Variants in ADAMTS19 observed in about 807,000 individuals in gnomAD.
ADAMTS19 encodes the protein A disintegrin and metalloproteinase with thrombospondin motifs 19.
ADAMTS19 carries 93 observed loss-of-function variants against 153.3 expected under a neutral mutation model. The ratio of observed to expected loss-of-function variants is 0.61; its 90% CI spans 0.51 to 0.72. ADAMTS19 has a LOEUF of 0.72. Among genes scored for constraint, ADAMTS19 ranks in the 30% least tolerant of loss-of-function variants. The pLI, the probability that ADAMTS19 is intolerant of heterozygous loss-of-function variation, is 0.00. For synonymous variants in ADAMTS19, 600 were observed against 556.6 expected, an observed-to-expected ratio of 1.08 and a Z score of -1.10; for missense variants, 1,482 against 1,552.1, an observed-to-expected ratio of 0.95 and a Z score of 0.76.
chr5:129,680,668 A>G (rs1754761598), intron 17 of ADAMTS19, among the ~76,000 whole-genome samples: 1 of 151,188 alleles, frequency 6.6e-6, no homozygotes, highest in South Asian at 2.1e-4. Flanking sequence ...AGGCTGAGGC[A>G]GGAGAATTGC....
At chr5:129,561,583 G>A (rs74290698) in intron 7 of ADAMTS19, among the ~76,000 whole-genome samples, 4,783 of 151,644 alleles carry the variant, frequency 0.032, 216 homozygotes, top group African/African-American at 0.1. Flanking sequence ...AGATTATTGT[G>A]CGTTTTCTAA....
chr5:129,599,472 A>C (rs1750539722), intron 8 of ADAMTS19, among the ~76,000 whole-genome samples: 1 of 152,178 alleles, frequency 6.6e-6, no homozygotes, highest in African/African-American at 2.4e-5. Context: ...ATTTTAAATA[A>C]TTTTGTCAAG....
At chr5:129,576,839 A>G (rs1754121466) in intron 7 of ADAMTS19, among the ~76,000 whole-genome samples, 1 of 152,048 alleles carries the variant, frequency 6.6e-6, no homozygotes, top group African/African-American at 2.4e-5. Context: ...TGACCTACCT[A>G]TTCAATTCAT....
At chr5:129,549,359 A>G (rs1445278895) in intron 6 of ADAMTS19, among the ~76,000 whole-genome samples, 1 of 151,692 alleles carries the variant, frequency 6.6e-6, no homozygotes, top group Admixed American at 6.6e-5. Context: ...GACTCAGAGA[A>G]AATGGATGTT....
intron 2 of ADAMTS19, among the ~76,000 whole-genome samples, chr5:129,487,173 T>C (rs1475585801): frequency 2.0e-5 from 3 of 152,182 alleles, no homozygotes; most frequent in Non-Finnish European, 1.5e-5. Flanking sequence ...TTTTTATTTA[T>C]TTATTTTTTT....
chr5:129,501,183 GA>G (rs761815160), intron 2 of ADAMTS19, among the ~76,000 whole-genome samples: 2 of 151,932 alleles, frequency 1.3e-5, no homozygotes, highest in Non-Finnish European at 2.9e-5. Context: ...AAGATTGTAG[GA>G]AAGAAAATAG....
intron 3 of ADAMTS19, among the ~76,000 whole-genome samples, chr5:129,522,505 G>A (rs1751859739): frequency 6.6e-6 from 1 of 151,074 alleles, no homozygotes; most frequent in Non-Finnish European, 1.5e-5. Flanking sequence ...ATATAAATAA[G>A]GAATATTTGC....
At chr5:129,713,870 G>A (rs956703619) in intron 21 of ADAMTS19, among the ~76,000 whole-genome samples, 9 of 150,948 alleles carry the variant, frequency 6.0e-5, no homozygotes, top group Non-Finnish European at 1.3e-4. Context: ...TGGCACTCCA[G>A]CATCTACACA....
intron 2 of ADAMTS19, among the ~76,000 whole-genome samples, chr5:129,462,763 T>C (rs1749726825): frequency 6.6e-6 from 1 of 152,234 alleles, no homozygotes; most frequent in Non-Finnish European, 1.5e-5. Context: ...TTACTATTAA[T>C]TGGTTTAAGA....
At chr5:129,648,283 T>C (rs1389401922) in intron 12 of ADAMTS19, among the ~76,000 whole-genome samples, 2 of 152,146 alleles carry the variant, frequency 1.3e-5, no homozygotes, top group Non-Finnish European at 2.9e-5. Flanking sequence ...AACAGAAACA[T>C]GCTAAGCACA....
intron 2 of ADAMTS19, among the ~76,000 whole-genome samples, chr5:129,472,694 C>T (rs572653312): frequency 2.1e-4 from 32 of 151,984 alleles, no homozygotes; most frequent in African/African-American, 7.5e-4. Flanking sequence ...TTTCAGTCAT[C>T]AGCAATTTTA....
chr5:129,678,766 T>C (rs1374142215), intron 16 of ADAMTS19, among the ~76,000 whole-genome samples: 1 of 152,194 alleles, frequency 6.6e-6, no homozygotes, highest in Non-Finnish European at 1.5e-5. Context: ...ACATAATTAG[T>C]ATATAGCATA....
rs77471528 is a variant in ADAMTS19, at chr5:129,495,274, C to T, written c.748-13803C>T. On this transcript the variant is annotated intron_variant, in intron 2 of 22. Coordinates refer to ENST00000274487, the MANE Select transcript of ADAMTS19 (RefSeq NM_133638.6). ...GCATGCTTATAGTCTCTTATTTCAA[C>T]GCATTCTTCATTCCAGAGACATTTT... is the stretch of plus-strand genomic sequence containing the variant. 8.4e-3 allele frequency among the ~76,000 whole-genome samples: 1,279 copies of T among 152,146 alleles called. 18 individuals carry two copies. The highest frequency in any genetic ancestry group is 0.03 in the African/African-American group (1,238 of 41,518).
intron 16 of ADAMTS19, among the ~76,000 whole-genome samples, chr5:129,666,895 A>G (rs1331764621): frequency 6.6e-6 from 1 of 152,192 alleles, no homozygotes; most frequent in Non-Finnish European, 1.5e-5. Flanking sequence ...AGATATCTCA[A>G]ATGGAATTTC....
At chr5:129,479,537 GT>G (rs1364515008) in intron 2 of ADAMTS19, among the ~76,000 whole-genome samples, 1 of 152,128 alleles carries the variant, frequency 6.6e-6, no homozygotes, top group African/African-American at 2.4e-5. Flanking sequence ...AAGCAAAGCT[GT>G]TTTTTATTCA....
chr5:129,591,270 T>C (rs1194229539), intron 7 of ADAMTS19, among the ~76,000 whole-genome samples: 1 of 152,080 alleles, frequency 6.6e-6, no homozygotes, highest in Non-Finnish European at 1.5e-5. Context: ...GAACAGATTT[T>C]AAAATGAGCA....
At chr5:129,547,527 G>A (rs1752905280) in intron 6 of ADAMTS19, among the ~76,000 whole-genome samples, 1 of 150,352 alleles carries the variant, frequency 6.7e-6, no homozygotes, top group African/African-American at 2.5e-5. Context: ...TACTTTCAAA[G>A]TAGCCAAAAA....
intron 6 of ADAMTS19, among the ~76,000 whole-genome samples, chr5:129,549,183 AAAAT>A (rs77046635): frequency 0.02 from 2,981 of 148,186 alleles, 44 homozygotes; most frequent in East Asian, 0.049. Flanking sequence ...TAATAATAAT[AAAAT>A]AAATAAATAA....
chr5:129,491,248 C>T (rs1388292084), intron 2 of ADAMTS19, among the ~76,000 whole-genome samples: 3 of 152,158 alleles, frequency 2.0e-5, no homozygotes, highest in East Asian at 3.9e-4. Context: ...GTGATCCACT[C>T]ACCTCCGCAT....
Sources: allele counts gnomAD v4.1 joint callset (sites outside exome capture counted in the v4.1 genomes callset), GRCh38; gene constraint gnomAD v4.1.1; transcripts MANE v1.5; gene names NCBI Gene and HGNC (gene_info 2026-07-23, HGNC 2026-07-21).